Variants in PLRG1 observed in about 807,000 individuals in gnomAD.
PLRG1 encodes the protein pleiotropic regulator 1.
In PLRG1, 28 loss-of-function variants were observed where a neutral mutation model predicts 74.9. The ratio of observed to expected loss-of-function variants is 0.37; its 90% CI spans 0.28 to 0.51. The LOEUF is 0.51. PLRG1 is among the 20% of genes least tolerant of loss of function. The pLI, the probability that PLRG1 is intolerant of heterozygous loss-of-function variation, is 0.91. For missense variants in PLRG1, 445 were observed against 631.9 expected (o/e 0.70, Z 3.17); for synonymous variants, 197 against 212.4 (o/e 0.93, Z 0.63).
At chr4:154,544,856 CT>C (rs1729620330) in intron 6 of PLRG1, among the ~76,000 whole-genome samples, 1 of 152,010 alleles carries the variant, frequency 6.6e-6, no homozygotes, top group South Asian at 2.1e-4. Context: ...AGAATAGTGC[CT>C]ATTTCATAGG....
chr4:154,536,623 G>C lies in PLRG1; in HGVS notation c.*62C>G. ...AAAATGACTGGATATCCTCATGAAC[G>C]CCAAGCTTTTTTTTTTTTAATTAAA... is the stretch of plus-strand genomic sequence containing the variant. On this transcript the variant is annotated 3_prime_UTR_variant, in exon 15 of 15. Coordinates refer to ENST00000499023, the MANE Select transcript of PLRG1 (RefSeq NM_002669.4). 1 of 884,804 alleles carries C rather than the reference G, an allele frequency of 1.1e-6. No individual in the cohort carries two copies. The highest frequency in any genetic ancestry group is 1.8e-6 in the Non-Finnish European group (1 of 556,810). 54.8% of individuals were successfully genotyped at this position (884,804 alleles called of 1,614,324 possible).
At chr4:154,541,200 A>G (rs1434825116) in intron 8 of PLRG1, among the ~76,000 whole-genome samples, 3 of 152,192 alleles carry the variant, frequency 2.0e-5, no homozygotes, top group Non-Finnish European at 4.4e-5. Context: ...AACAGTAAGA[A>G]AAGTATGGTA....
At chr4:154,541,306 GT>G (rs1729552295) in intron 8 of PLRG1, among the ~76,000 whole-genome samples, 1 of 152,068 alleles carries the variant, frequency 6.6e-6, no homozygotes, top group Non-Finnish European at 1.5e-5. Context: ...TTCATACAAA[GT>G]TTTTTAAAAA....
chr4:154,536,667 G>C lies in PLRG1; in HGVS notation c.*18C>G, dbSNP rs1384911729. The C allele has an allele frequency of 7.4e-7, 1 of 1,348,274 alleles. No homozygotes were observed. The highest frequency in any genetic ancestry group is 1.0e-6 in the Non-Finnish European group (1 of 961,038). 83.5% of individuals were successfully genotyped at this position (1,348,274 alleles called of 1,614,324 possible). ...AATTAAAAAGAAAAAAAAAGAGAGA[G>C]AAAAAATTCCACATTCATTAAAATC... On this transcript the variant is annotated 3_prime_UTR_variant, in exon 15 of 15. Transcript: ENST00000499023.
Position 154,550,360 on chromosome 4 carries a change from G to C in PLRG1, c.-52C>G. 5.7e-6 allele frequency: 9 copies of C among 1,566,316 alleles called. No individual in the cohort carries two copies. The highest frequency in any genetic ancestry group is 7.9e-6 in the Non-Finnish European group (9 of 1,137,062). On this transcript the variant is annotated 5_prime_UTR_variant, in exon 1 of 15. Transcript: ENST00000499023. ...CAGGGAAGAAACTCTAATCACTAAC[G>C]CAGTACCCGCCGCCACAGCTGTGCA... is the stretch of plus-strand genomic sequence containing the variant.
At chr4:154,546,079 G>A (rs1367551758) in intron 5 of PLRG1, 44 bp downstream of exon 5, 9 of 1,256,486 alleles carry the variant, frequency 7.2e-6, no homozygotes, top group Non-Finnish European at 1.0e-5. Context: ...AATGTGAACA[G>A]TGAAATATGC....
At chr4:154,547,897 T>G in intron 2 of PLRG1, 44 bp from the exon 3 acceptor site, 1 of 1,403,242 alleles carries the variant, frequency 7.1e-7, no homozygotes, top group Non-Finnish European at 9.8e-7. Context: ...ATAAATACTT[T>G]AAAACAAACA....
chr4:154,540,268 T>C lies in PLRG1; in HGVS notation c.940-215A>G, dbSNP rs142378815. 3.2e-3 allele frequency: 1,882 copies of C among 584,694 alleles called. 8 individuals are homozygous for C. Among genetic ancestry groups the C allele is most frequent in the Middle Eastern group, 0.013 (28 of 2,198 alleles). 36.2% of individuals were successfully genotyped at this position (584,694 alleles called of 1,614,324 possible). Reference sequence around the variant, plus strand: ...ATTCTAAAAAGCTAAAAGATCAGGGTACTGAAAATCTAAGAATGAGTATGA... The same window carrying C: ...ATTCTAAAAAGCTAAAAGATCAGGGCACTGAAAATCTAAGAATGAGTATGA... On this transcript the variant is annotated intron_variant, in intron 10 of 14. Transcript: ENST00000499023.
intron 6 of PLRG1, 109 bp from the exon 7 acceptor site, chr4:154,544,655 A>G (rs1435749672): frequency 1.6e-6 from 1 of 634,380 alleles, no homozygotes. Context: ...GAATTTTTCC[A>G]TAAATGAAGA....
intron 2 of PLRG1, among the ~76,000 whole-genome samples, 187 bp downstream of exon 2, chr4:154,548,642 T>A (rs936771200): frequency 6.6e-6 from 1 of 152,128 alleles, no homozygotes; most frequent in South Asian, 2.1e-4. Context: ...AATTAATTAA[T>A]GGAACTTTTA....
chr4:154,544,398 C>A, intron 7 of PLRG1, 47 bp downstream of exon 7: 1 of 1,062,320 alleles, frequency 9.4e-7, no homozygotes, highest in Non-Finnish European at 1.5e-6. Context: ...TTGTCAACTA[C>A]AAAGCAATCA....
chr4:154,549,059 T>C (rs1729711668), intron 1 of PLRG1, 124 bp from the exon 2 acceptor site: 2 of 664,272 alleles, frequency 3.0e-6, no homozygotes, highest in African/African-American at 1.8e-5. Flanking sequence ...TCACCATAGC[T>C]ACTTGTTGCA....
intron 11 of PLRG1, among the ~76,000 whole-genome samples, 199 bp downstream of exon 11, chr4:154,539,749 TATG>T (rs1729521796): frequency 1.3e-5 from 2 of 152,126 alleles, no homozygotes; most frequent in African/African-American, 4.8e-5. Flanking sequence ...TGGCATACTC[TATG>T]ATATGTAAAA....
rs775953828 is a variant in PLRG1, at chr4:154,537,642, T to C, written c.1292-163A>G. 1.3e-5 allele frequency: 7 copies of C among 554,324 alleles called. No homozygotes were observed. In the South Asian group the frequency reaches 1.4e-4, roughly 11 times the overall value. The allele number at this position is 554,324 out of a possible 1,614,324, so 34.3% of individuals were successfully genotyped here. A position where few individuals can be genotyped will look rare whatever the true frequency, so the allele number is the denominator to read the frequency against. On this transcript the variant is annotated intron_variant, in intron 13 of 14. Coordinates refer to ENST00000499023, the MANE Select transcript of PLRG1 (RefSeq NM_002669.4). The stretch of plus-strand genomic sequence containing the variant: ...TTAATATTGGTTTGTCTACTTTCAT[T>C]TGGGCTGGGTTCAGAACTTATAGAT...
rs1380028342 is a variant in PLRG1, at chr4:154,537,303, T to G, written c.1468A>C (p.Arg490=). ...AEADKTIKVY[R]EDDTATEETH... ...GAACTTACGGCTGTGTCATCCTCTC[T>G]GTATACTTTAATGGTTTTATCAGCT... Residue 490 remains arginine (R), a synonymous_variant, in exon 14 of 15, where the codon AGA becomes CGA. Coordinates refer to ENST00000499023, the MANE Select transcript of PLRG1 (RefSeq NM_002669.4). 6.2e-7 allele frequency: 1 copy of G among 1,612,024 alleles called. No individual in the cohort carries two copies. Among genetic ancestry groups the G allele is most frequent in the Admixed American group, 1.7e-5 (1 of 59,844 alleles).
chr4:154,543,329 T>G (rs1045517395), intron 7 of PLRG1, among the ~76,000 whole-genome samples: 4 of 151,978 alleles, frequency 2.6e-5, no homozygotes, highest in African/African-American at 4.8e-5. Flanking sequence ...TGTATTTTTT[T>G]GTAGAGGCGG....
intron 12 of PLRG1, 105 bp from the exon 13 acceptor site, chr4:154,538,213 G>T: frequency 2.0e-6 from 1 of 489,990 alleles, no homozygotes; most frequent in Admixed American, 3.7e-5. Flanking sequence ...TGTACTCAAT[G>T]ATTTATATAT....
intron 1 of PLRG1, among the ~76,000 whole-genome samples, chr4:154,549,955 T>C (rs1002356031): frequency 6.6e-6 from 1 of 152,206 alleles, no homozygotes; most frequent in Non-Finnish European, 1.5e-5. Flanking sequence ...ACCAATCTTT[T>C]AGGGCACAGA....
Position 154,546,125 on chromosome 4 carries a change from G to T in PLRG1, c.402C>A (p.Thr134=). The T allele has an allele frequency of 6.5e-7, 1 of 1,529,698 alleles. No homozygotes were observed. Among genetic ancestry groups the T allele is most frequent in the Non-Finnish European group, 9.0e-7 (1 of 1,107,120 alleles). The allele number at this position is 1,529,698 out of a possible 1,614,324, so 94.8% of individuals were successfully genotyped here. The part of the protein sequence containing the change: ...QSLAVALPLQ[T]KADANRTAPS... ...TTTGTAATTATAATATTTCATACTT[G>T]GTCTGCAAAGGTAATGCCACCGCTA... is the stretch of plus-strand genomic sequence containing the variant. Residue 134 remains threonine (T), a splice_region_variant and synonymous_variant, in exon 5 of 15, where the codon ACC becomes ACA. Transcript: ENST00000499023.
Sources: allele counts gnomAD v4.1 joint callset (sites outside exome capture counted in the v4.1 genomes callset), GRCh38; gene constraint gnomAD v4.1.1; transcripts MANE v1.5; gene names NCBI Gene and HGNC (gene_info 2026-07-23, HGNC 2026-07-21).